Variants in PSMC2 observed in about 807,000 individuals in gnomAD.
The protein encoded by PSMC2 is 26S proteasome regulatory subunit 7.
In PSMC2, 7 loss-of-function variants were observed where a neutral mutation model predicts 53.3. That is an observed-to-expected ratio of 0.13 (90% CI 0.07 to 0.25). The LOEUF (loss-of-function observed/expected upper bound fraction) is 0.25, where lower values mean the gene tolerates loss of function less well. Ranked by LOEUF, PSMC2 falls within the 10% of genes least tolerant of loss-of-function variation. PSMC2 has a pLI of 1.00. For synonymous variants in PSMC2, 169 were observed against 183.9 expected (o/e 0.92, Z 0.66); for missense variants, 241 against 544.0 (o/e 0.44, Z 5.54).
At chr7:103,352,802 C>G in intron 1 of PSMC2, 12 of 779,488 alleles carry the variant, frequency 1.5e-5, no homozygotes, top group South Asian at 1.3e-4. Context: ...TGGCTGAGGT[C>G]ACCCCACTAA....
chr7:103,362,665 C>T (rs1415499842), intron 5 of PSMC2, 21 bp from the exon 6 acceptor site: 4 of 1,575,636 alleles, frequency 2.5e-6, no homozygotes. Flanking sequence ...GTATTAATGA[C>T]TATCTTTTTT....
chr7:103,360,362 T>C (rs548906556), intron 4 of PSMC2, among the ~76,000 whole-genome samples: 1 of 151,508 alleles, frequency 6.6e-6, no homozygotes, highest in South Asian at 2.1e-4. Flanking sequence ...GGTCAGCCTC[T>C]TTTTTTTTGG....
upstream of PSMC2, chr7:103,347,571 G>A: frequency 1.1e-6 from 1 of 903,840 alleles, no homozygotes; most frequent in Non-Finnish European, 1.8e-6. Flanking sequence ...CCAGGGCTCT[G>A]TCCGGACTCT....
upstream of PSMC2, chr7:103,347,583 A>T: frequency 9.7e-7 from 1 of 1,033,862 alleles, no homozygotes. Context: ...CCGGACTCTG[A>T]AGCACTGCAT....
chr7:103,354,365 ATTTT>A (rs752847513), intron 2 of PSMC2, among the ~76,000 whole-genome samples: 3 of 134,536 alleles, frequency 2.2e-5, no homozygotes, highest in Admixed American at 7.5e-5. Context: ...TTCACACACG[ATTTT>A]TTTTTTTTTT....
rs186596809 is a variant in PSMC2, at chr7:103,367,172, C to G, written c.845-241C>G. 3.9e-4 allele frequency among the ~76,000 whole-genome samples: 59 copies of G among 152,296 alleles called. No individual in the cohort carries two copies. Among genetic ancestry groups the G allele is most frequent in the Non-Finnish European group, 6.8e-4 (46 of 68,028 alleles). Reference sequence around the variant, plus strand: ...TGTGGTAGACTTTGAAAACACTAAACTGCCCCATAGGCAGTTTAAAAAACG... The same window carrying G: ...TGTGGTAGACTTTGAAAACACTAAAGTGCCCCATAGGCAGTTTAAAAAACG... On this transcript the variant is annotated intron_variant, in intron 9 of 11. Transcript: ENST00000292644. This position sits in a 1 kb window ranked among gnomAD's most constrained non-coding sequence, Gnocchi z 6.1.
chr7:103,348,528 G>C, intron 1 of PSMC2: 1 of 684,814 alleles, frequency 1.5e-6, no homozygotes, highest in Middle Eastern at 3.9e-4. Flanking sequence ...ATTGATGGAC[G>C]TGTAGATTTT....
At position 103,362,128 on chromosome 7, in the gene PSMC2, A is replaced by C. The variant is rs759526802; in HGVS notation, c.422+40A>C. ...TACAATAAATACTTTTCTTTCACTAAGGATACTGTCTCACATTCATATCCT... is the reference window on the plus strand; with the variant it reads ...TACAATAAATACTTTTCTTTCACTACGGATACTGTCTCACATTCATATCCT... On this transcript the variant is annotated intron_variant, in intron 5 of 11. Coordinates refer to ENST00000292644, the MANE Select transcript of PSMC2 (RefSeq NM_002803.4). The C allele has an allele frequency of 3.1e-6, 5 of 1,608,948 alleles. No individual in the cohort carries two copies. In the Admixed American group the frequency reaches 8.6e-5, roughly 28 times the overall value.
chr7:103,366,996 G>C (rs186268419), intron 9 of PSMC2, among the ~76,000 whole-genome samples: 16 of 152,108 alleles, frequency 1.1e-4, no homozygotes, highest in African/African-American at 3.9e-4. Context: ...GTAGAGACGT[G>C]GTTTCACCAT....
Position 103,366,145 on chromosome 7 carries a change from G to T in PSMC2, c.826G>T (p.Glu276Ter). ...AAAAGCCTGCCTTATCTTCTTTGAT[G>T]AAATTGATGCTATTGGAGGTGAGAA... ...TKKACLIFFD[E>*]IDAIGGARFD... The change falls in exon 9 of 12, where the codon GAA (glutamate) becomes TAA (stop). Residue 276 changes from glutamate to a stop codon, truncating the protein, a stop_gained. Transcript: ENST00000292644. LOFTEE classifies it high-confidence loss of function. 6.2e-7 allele frequency: 1 copy of T among 1,613,524 alleles called. No homozygotes were observed. The highest frequency in any genetic ancestry group is 8.5e-7 in the Non-Finnish European group (1 of 1,179,506).
rs973691443 is a variant in PSMC2 at position 103,353,947 on chromosome 7, T to C, written c.97T>C (p.Leu33=). ...RALDEGDIAL[L]KTYGQSTYSR... ...TCTGGATGAGGGGGATATTGCCTTGTTGAAAACTTATGTAAGTCCTTTCAG... is the reference window on the plus strand; with the variant it reads ...TCTGGATGAGGGGGATATTGCCTTGCTGAAAACTTATGTAAGTCCTTTCAG... The change falls in exon 2 of 12, where the codon TTG becomes CTG. Residue 33 remains leucine, a synonymous_variant. Transcript: ENST00000292644. The C allele has an allele frequency of 1.3e-5, 21 of 1,601,334 alleles. 1 individual carries two copies. The highest frequency in any genetic ancestry group is 1.5e-5 in the Non-Finnish European group (18 of 1,171,768).
chr7:103,369,321 A>G lies in PSMC2; in HGVS notation c.*1267A>G, dbSNP rs1429259661. On this transcript the variant is annotated 3_prime_UTR_variant, in exon 12 of 12. Transcript: ENST00000292644. ...ATTTTCAGGTTATGCTTACAATAAA[A>G]TATACTTAAGAAAATGACTGAAGAT... 3 of 152,240 alleles carry G rather than the reference A, an allele frequency of 2.0e-5. No individual in the cohort carries two copies. Among genetic ancestry groups the G allele is most frequent in the Non-Finnish European group, 4.4e-5 (3 of 68,046 alleles). 9.4% of individuals were successfully genotyped at this position (152,240 alleles called of 1,614,324 possible).
In PSMC2 at chr7:103,367,772, A is replaced by G; in HGVS notation, c.1107A>G (p.Arg369=). 1 of 1,614,086 alleles carries G rather than the reference A, an allele frequency of 6.2e-7. No individual in the cohort carries two copies. The highest frequency in any genetic ancestry group is 2.2e-5 in the East Asian group (1 of 44,880). Residue 369 remains arginine, a synonymous_variant, in exon 11 of 12, where the codon AGA becomes AGG. Transcript: ENST00000292644. This position sits in a 1 kb window ranked among gnomAD's most constrained non-coding sequence, Gnocchi z 6.1. ...CAATGAGTGTTGAAAGAGATATCAG[A>G]TTTGAACTGTTAGCACGACTGTGTC... The part of the protein sequence containing the change: ...ARSMSVERDI[R]FELLARLCPN...
At chr7:103,366,267 T>G in intron 9 of PSMC2, 104 bp downstream of exon 9, 1 of 993,356 alleles carries the variant, frequency 1.0e-6, no homozygotes, top group Non-Finnish European at 1.5e-6. Flanking sequence ...TAACTCCAAC[T>G]CTTCTATGAG....
intron 1 of PSMC2, among the ~76,000 whole-genome samples, chr7:103,350,998 TCATTGTGTCCTCA>T (rs67023509): frequency 0.028 from 4,239 of 152,282 alleles, 213 homozygotes; most frequent in African/African-American, 0.096. Flanking sequence ...TTTCTTTCCT[TCATTGTGTCCTCA>T]CATGGCTTCT....
At chr7:103,364,451 C>T (rs1013171802) in intron 8 of PSMC2, 144 bp downstream of exon 8, 1 of 890,700 alleles carries the variant, frequency 1.1e-6, no homozygotes, top group Non-Finnish European at 1.7e-6. Context: ...TTGTGTTGCC[C>T]AGGCTGGAGT....
rs1820866589 is a variant in PSMC2 at position 103,368,907 on chromosome 7, A to G, written c.*853A>G. On this transcript the variant is annotated 3_prime_UTR_variant, in exon 12 of 12. Transcript: ENST00000292644. ...CTACAGTGAGGTATTTTAAAAATAA[A>G]GGTTATATTAGAATCCTCAACATCT... 1 of 111,272 alleles carries G rather than the reference A, an allele frequency of 9.0e-6. No individual in the cohort carries two copies. The highest frequency in any genetic ancestry group is 1.1e-4 in the Admixed American group (1 of 9,288). 6.9% of individuals were successfully genotyped at this position (111,272 alleles called of 1,614,324 possible). A position where few individuals can be genotyped will look rare whatever the true frequency, so the allele number is the denominator to read the frequency against.
In PSMC2 at chr7:103,354,964, A is replaced by G. The variant is rs750503523; in HGVS notation, c.190+15A>G. ...TGAGCTCACTGGTATGTATTTTTAA[A>G]TTCCCATTTCCTTCCTTTAAATGTA... On this transcript the variant is annotated intron_variant, in intron 3 of 11. Coordinates refer to ENST00000292644, the MANE Select transcript of PSMC2 (RefSeq NM_002803.4). The G allele has an allele frequency of 6.5e-7, 1 of 1,533,994 alleles. No homozygotes were observed. Among genetic ancestry groups the G allele is most frequent in the Non-Finnish European group, 9.0e-7 (1 of 1,108,314 alleles).
At chr7:103,365,982 G>C (rs1241989036) in intron 8 of PSMC2, 94 bp from the exon 9 acceptor site, 3 of 982,476 alleles carry the variant, frequency 3.1e-6, no homozygotes, top group Non-Finnish European at 4.6e-6. Flanking sequence ...AATACTGTTA[G>C]GAATAAATAT....
Sources: gnomAD v4.1 joint callset for allele counts (sites outside exome capture counted in the v4.1 genomes callset) on GRCh38, gnomAD v4.1.1 for gene constraint, Gnocchi (gnomAD v3.1) non-coding constraint, MANE v1.5 for transcripts, NCBI Gene and HGNC (gene_info 2026-07-23, HGNC 2026-07-21) for gene names.